The following SGPL1 variants were observed in gnomAD, a reference collection of about 807,000 sequenced individuals.
The protein encoded by SGPL1 is sphingosine-1-phosphate lyase 1, also known as SP-lyase 1.
SGPL1 carries 37 observed loss-of-function variants against 68.9 expected under a neutral mutation model. That is an observed-to-expected ratio of 0.54 (90% CI 0.41 to 0.71). SGPL1 has a LOEUF of 0.71. Ranked by LOEUF, SGPL1 falls within the 30% of genes least tolerant of loss-of-function variation. SGPL1 has a pLI of 0.00. For synonymous variants in SGPL1, 236 were observed against 248.5 expected (o/e 0.95, Z 0.47); for missense variants, 551 against 704.6 (o/e 0.78, Z 2.47).
At chr10:70,832,300 A>G (rs1267791479) in intron 2 of SGPL1, among the ~76,000 whole-genome samples, 1 of 152,234 alleles carries the variant, frequency 6.6e-6, no homozygotes, top group Non-Finnish European at 1.5e-5. Context: ...TCTTTTGAGC[A>G]GGCTTACGTG....
chr10:70,851,639 T>G (rs920577618), intron 4 of SGPL1, among the ~76,000 whole-genome samples: 1 of 152,244 alleles, frequency 6.6e-6, no homozygotes, highest in African/African-American at 2.4e-5. Context: ...AACATGCAGC[T>G]GGCTGACTTT....
chr10:70,853,509 C>T (rs1266617503), intron 4 of SGPL1, among the ~76,000 whole-genome samples: 1 of 152,100 alleles, frequency 6.6e-6, no homozygotes, highest in Non-Finnish European at 1.5e-5. Flanking sequence ...ATTTTTTTTC[C>T]CTCAGCACTT....
At chr10:70,871,535 G>A (rs890468282) in intron 10 of SGPL1, among the ~76,000 whole-genome samples, 1 of 152,106 alleles carries the variant, frequency 6.6e-6, no homozygotes, top group African/African-American at 2.4e-5. Flanking sequence ...CCTTTCCCTT[G>A]TGCGAGAGGC....
intron 4 of SGPL1, among the ~76,000 whole-genome samples, 175 bp from the exon 5 acceptor site, chr10:70,854,533 T>C (rs572709012): frequency 1.4e-4 from 22 of 152,344 alleles, no homozygotes; most frequent in African/African-American, 4.8e-4. Context: ...GAGGCTATTG[T>C]ACATGCCAGA....
intron 14 of SGPL1, among the ~76,000 whole-genome samples, chr10:70,876,960 C>T (rs1297477339): frequency 1.3e-5 from 2 of 152,072 alleles, no homozygotes; most frequent in African/African-American, 2.4e-5. Context: ...CATGTTTTTT[C>T]TGGAATTTTC....
chr10:70,863,088 C>T (rs561884656), intron 7 of SGPL1, among the ~76,000 whole-genome samples: 62 of 152,160 alleles, frequency 4.1e-4, no homozygotes, highest in African/African-American at 1.4e-3. Context: ...TGGGCTCAAG[C>T]GACCCTCCCA....
chr10:70,860,170 CTATGATAGA>C (rs550151443), intron 7 of SGPL1, among the ~76,000 whole-genome samples: 356 of 152,244 alleles, frequency 2.3e-3, no homozygotes, highest in Admixed American at 4.0e-3. Context: ...TTTTCGTAAA[CTATGATAGA>C]TAAACTTCTG....
At chr10:70,821,245 G>C (rs1845333191) in intron 2 of SGPL1, among the ~76,000 whole-genome samples, 1 of 152,194 alleles carries the variant, frequency 6.6e-6, no homozygotes, top group Non-Finnish European at 1.5e-5. Context: ...AGACAGCTTT[G>C]TAGCAGCCTT....
Position 70,880,434 on chromosome 10 carries a change from T to TCTGCTTACAGTTTG in SGPL1, c.*3109_*3122dup, listed in dbSNP as rs1279310327. 2 of 152,170 alleles carry TCTGCTTACAGTTTG rather than the reference T, an allele frequency of 1.3e-5. No individual in the cohort carries two copies. The highest frequency in any genetic ancestry group is 4.8e-5 in the African/African-American group (2 of 41,416). 9.4% of individuals were successfully genotyped at this position (152,170 alleles called of 1,614,324 possible). ...TTTTTTTCCATCTTCATCATCCACT[T>TCTGCTTACAGTTTG]CTGCTTACAGTTTGCTGCTTACAAT... On this transcript the variant is annotated 3_prime_UTR_variant, in exon 15 of 15. Transcript: ENST00000373202.
chr10:70,831,824 G>C (rs1038376638), intron 2 of SGPL1, among the ~76,000 whole-genome samples: 2 of 152,210 alleles, frequency 1.3e-5, no homozygotes, highest in African/African-American at 4.8e-5. Context: ...AGGCCTGTCT[G>C]TTCAGGTTGT....
chr10:70,858,556 GGCAGGTTTT>G (rs1846000139), intron 6 of SGPL1, among the ~76,000 whole-genome samples: 1 of 152,120 alleles, frequency 6.6e-6, no homozygotes. Context: ...AAATAAATAT[GGCAGGTTTT>G]GCATAAGTTG....
chr10:70,818,559 A>G (rs925785868), intron 2 of SGPL1, among the ~76,000 whole-genome samples: 1 of 152,336 alleles, frequency 6.6e-6, no homozygotes, highest in South Asian at 2.1e-4. Flanking sequence ...AAAAACTGGT[A>G]GTGAGATTTC....
chr10:70,839,137 C>T (rs894897372), intron 2 of SGPL1, among the ~76,000 whole-genome samples: 6 of 152,104 alleles, frequency 3.9e-5, no homozygotes, highest in Admixed American at 2.6e-4. Flanking sequence ...TTATTGAGTA[C>T]TATTTTGATG....
intron 5 of SGPL1, among the ~76,000 whole-genome samples, chr10:70,856,657 T>G (rs1217032408): frequency 1.2e-4 from 18 of 152,162 alleles, no homozygotes; most frequent in Non-Finnish European, 1.5e-5. Context: ...GCTTGGCAGA[T>G]TGCTGTAAGA....
intron 2 of SGPL1, among the ~76,000 whole-genome samples, chr10:70,818,894 T>G (rs1291635923): frequency 6.6e-6 from 1 of 152,182 alleles, no homozygotes; most frequent in Non-Finnish European, 1.5e-5. Context: ...GATTTGTTAA[T>G]CTCCCCTATC....
intron 2 of SGPL1, among the ~76,000 whole-genome samples, chr10:70,843,704 T>C (rs535030578): frequency 1.7e-4 from 26 of 152,188 alleles, no homozygotes; most frequent in Non-Finnish European, 3.5e-4. Context: ...CACATGATGG[T>C]AAGATATGGT....
At chr10:70,876,244 C>A (rs570858330) in intron 13 of SGPL1, among the ~76,000 whole-genome samples, 1 of 152,032 alleles carries the variant, frequency 6.6e-6, no homozygotes, top group African/African-American at 2.4e-5. Context: ...TTGATGGTGA[C>A]GTGGTTGAAG....
In SGPL1 at chr10:70,881,074, T is replaced by C. The variant is rs1261518582; in HGVS notation, c.*3739T>C. ...TTGAAGTTTTAATTACCTTATTTTC[T>C]TTTATGCTTTCCTCTGTCTTGTAAT... On this transcript the variant is annotated 3_prime_UTR_variant, in exon 15 of 15. Transcript: ENST00000373202. The C allele has an allele frequency of 6.6e-6, 1 of 152,210 alleles. No individual in the cohort carries two copies. The highest frequency in any genetic ancestry group is 1.5e-5 in the Non-Finnish European group (1 of 68,042). 9.4% of individuals were successfully genotyped at this position (152,210 alleles called of 1,614,324 possible).
intron 7 of SGPL1, among the ~76,000 whole-genome samples, chr10:70,861,997 C>T (rs1022577631): frequency 6.6e-6 from 1 of 152,236 alleles, no homozygotes; most frequent in African/African-American, 2.4e-5. Flanking sequence ...GCGCCCAGTC[C>T]CATCGACCAC....
Sources: allele counts gnomAD v4.1 joint callset (sites outside exome capture counted in the v4.1 genomes callset), GRCh38; gene constraint gnomAD v4.1.1; transcripts MANE v1.5; gene names NCBI Gene and HGNC (gene_info 2026-07-23, HGNC 2026-07-21).